ADGRL2: variants seen among roughly 807,000 people sequenced by gnomAD.
ADGRL2 encodes the protein calcium-independent alpha-latrotoxin receptor 2.
Under a neutral mutation model 157.4 loss-of-function variants are expected in ADGRL2, and 44 were observed. That is an observed-to-expected ratio of 0.28 (90% confidence interval 0.22 to 0.36). The LOEUF (loss-of-function observed/expected upper bound fraction) is 0.36. Among genes scored for constraint, ADGRL2 ranks in the 10% least tolerant of loss-of-function variants. ADGRL2 has a pLI of 1.00. For synonymous variants in ADGRL2, 585 were observed against 624.7 expected, an observed-to-expected ratio of 0.94 and a Z score of 0.95; for missense variants, 1,510 against 1,768.9, an observed-to-expected ratio of 0.85 and a Z score of 2.63.
intron 1 of ADGRL2, among the ~76,000 whole-genome samples, chr1:81,348,602 T>TA (rs751527762): frequency 6.6e-6 from 1 of 151,902 alleles, no homozygotes; most frequent in South Asian, 2.1e-4. Context: ...TTAGAAATGT[T>TA]AAAAAAAGAA....
At chr1:81,467,318 A>G (rs999600874) in intron 2 of ADGRL2, among the ~76,000 whole-genome samples, 3 of 152,202 alleles carry the variant, frequency 2.0e-5, no homozygotes, top group African/African-American at 7.2e-5. Flanking sequence ...AGAAGCAGCT[A>G]AAAAAGAACA....
At chr1:81,521,179 G>A (rs1336672529) in intron 2 of ADGRL2, among the ~76,000 whole-genome samples, 3 of 152,156 alleles carry the variant, frequency 2.0e-5, no homozygotes, top group Non-Finnish European at 4.4e-5. Flanking sequence ...GGAAACACAT[G>A]GCAGCTGATG....
At chr1:81,619,813 T>C (rs1022462448) in intron 3 of ADGRL2, among the ~76,000 whole-genome samples, 1 of 152,010 alleles carries the variant, frequency 6.6e-6, no homozygotes, top group Non-Finnish European at 1.5e-5. Flanking sequence ...AGGGAAGCAC[T>C]GTATGAAGTA....
intron 2 of ADGRL2, among the ~76,000 whole-genome samples, chr1:81,471,172 A>G (rs1456257656): frequency 6.6e-6 from 1 of 152,212 alleles, no homozygotes; most frequent in Non-Finnish European, 1.5e-5. Flanking sequence ...TGCATGCCTT[A>G]GTAAATCTAC....
chr1:81,418,473 C>G (rs1164741491), intron 1 of ADGRL2, among the ~76,000 whole-genome samples: 1 of 152,126 alleles, frequency 6.6e-6, no homozygotes, highest in Admixed American at 6.6e-5. Context: ...GATTCCAGGC[C>G]GAGTGTGGTG....
intron 3 of ADGRL2, among the ~76,000 whole-genome samples, chr1:81,692,922 A>G (rs2083371786): frequency 6.6e-6 from 1 of 152,108 alleles, no homozygotes; most frequent in South Asian, 2.1e-4. Context: ...AGCACTTCCT[A>G]TTGTCTTATA....
intron 1 of ADGRL2, among the ~76,000 whole-genome samples, chr1:81,368,191 A>G (rs1255110598): frequency 6.6e-6 from 1 of 152,060 alleles, no homozygotes; most frequent in Non-Finnish European, 1.5e-5. Flanking sequence ...CCAGCATCTG[A>G]TGTTTCTTGA....
intron 3 of ADGRL2, among the ~76,000 whole-genome samples, chr1:81,686,328 G>A (rs2083227933): frequency 6.6e-6 from 1 of 152,108 alleles, no homozygotes; most frequent in Non-Finnish European, 1.5e-5. Flanking sequence ...TTATTGGTCT[G>A]TTTGGGATAT....
chr1:81,538,168 C>T (rs1024780567), intron 2 of ADGRL2, among the ~76,000 whole-genome samples: 8 of 152,278 alleles, frequency 5.3e-5, no homozygotes, highest in African/African-American at 1.9e-4. Flanking sequence ...ATATTTTGCT[C>T]TTCCCAACTA....
intron 2 of ADGRL2, among the ~76,000 whole-genome samples, chr1:81,869,994 A>G (rs1444379536): frequency 6.6e-6 from 1 of 151,900 alleles, no homozygotes; most frequent in Non-Finnish European, 1.5e-5. Flanking sequence ...AAAAAGTAGG[A>G]AATGCACATT....
At chr1:81,354,077 G>A (rs1663106521) in intron 1 of ADGRL2, among the ~76,000 whole-genome samples, 1 of 152,168 alleles carries the variant, frequency 6.6e-6, no homozygotes, top group African/African-American at 2.4e-5. Flanking sequence ...GTAAGAAAGG[G>A]TGGCAATAAA....
intron 3 of ADGRL2, among the ~76,000 whole-genome samples, chr1:81,601,979 T>C (rs2081340681): frequency 6.6e-6 from 1 of 152,082 alleles, no homozygotes; most frequent in Non-Finnish European, 1.5e-5. Flanking sequence ...TAGGGCTGAG[T>C]GTGGAAGAGC....
chr1:81,391,136 A>C (rs1338116979), intron 1 of ADGRL2, among the ~76,000 whole-genome samples: 3 of 152,310 alleles, frequency 2.0e-5, no homozygotes, highest in Non-Finnish European at 4.4e-5. Flanking sequence ...CAAATGAGAT[A>C]AATAAATGCC....
At chr1:81,502,431 A>C in intron 2 of ADGRL2, 6 of 1,614,092 alleles carry the variant, frequency 3.7e-6, no homozygotes, top group Non-Finnish European at 4.2e-6. Flanking sequence ...GGTGATCCTG[A>C]AAGGAAAGAG....
chr1:81,494,036 T>C (rs2078684588), intron 2 of ADGRL2, among the ~76,000 whole-genome samples: 1 of 152,156 alleles, frequency 6.6e-6, no homozygotes, highest in Admixed American at 6.5e-5. Context: ...TGAAATCAGC[T>C]GAATGCTAGA....
At chr1:81,729,886 A>C (rs2084662169) in intron 1 of ADGRL2, among the ~76,000 whole-genome samples, 1 of 152,198 alleles carries the variant, frequency 6.6e-6, no homozygotes, top group Admixed American at 6.5e-5. Context: ...GTCATCTTGC[A>C]GTTTCATTAC....
intron 2 of ADGRL2, among the ~76,000 whole-genome samples, chr1:81,879,512 ATTT>A (rs1557832809): frequency 2.1e-5 from 3 of 146,124 alleles, no homozygotes; most frequent in Non-Finnish European, 1.5e-5. Context: ...TTAACCCAGA[ATTT>A]AAAAAAAAAA....
At chr1:81,894,833 T>A (rs1447857053) in intron 2 of ADGRL2, among the ~76,000 whole-genome samples, 2 of 152,130 alleles carry the variant, frequency 1.3e-5, no homozygotes, top group Non-Finnish European at 2.9e-5. Context: ...AAGGCTTAAT[T>A]TACAGCCTTT....
chr1:81,574,324 C>T (rs957011942), intron 2 of ADGRL2, among the ~76,000 whole-genome samples: 10 of 152,010 alleles, frequency 6.6e-5, no homozygotes, highest in South Asian at 2.1e-4. Flanking sequence ...ACCTGCTTTC[C>T]GGAAATTAAA....
Sources: allele counts gnomAD v4.1 joint callset (sites outside exome capture counted in the v4.1 genomes callset), GRCh38; gene constraint gnomAD v4.1.1; transcripts MANE v1.5; gene names NCBI Gene and HGNC (gene_info 2026-07-23, HGNC 2026-07-21).